CLTCL1: variants seen among roughly 807,000 people sequenced by gnomAD.
The protein encoded by CLTCL1 is clathrin heavy chain like 1.
CLTCL1 carries 159 observed loss-of-function variants against 190.0 expected under a neutral mutation model. The observed-to-expected ratio is 0.84, with a 90% CI of 0.74 to 0.95. The LOEUF is 0.95. Among genes scored for constraint, CLTCL1 ranks in the 40% least tolerant of loss-of-function variants. The probability of loss-of-function intolerance (pLI) is 0.00; values close to 1 mark genes in which losing one functional copy is unlikely to be tolerated. For synonymous variants in CLTCL1, 752 were observed against 769.6 expected, an observed-to-expected ratio of 0.98 and a Z score of 0.38; for missense variants, 1,878 against 2,033.4, an observed-to-expected ratio of 0.92 and a Z score of 1.47.
At chr22:19,212,502 A>C (rs1031345174) in intron 19 of CLTCL1, among the ~76,000 whole-genome samples, 58 of 151,702 alleles carry the variant, frequency 3.8e-4, no homozygotes, top group African/African-American at 1.4e-3. Flanking sequence ...TTGGGGCTGC[A>C]GTGAGCCGTG....
intron 2 of CLTCL1, among the ~76,000 whole-genome samples, chr22:19,266,131 C>T (rs2087117644): frequency 2.0e-5 from 3 of 152,144 alleles, no homozygotes; most frequent in Non-Finnish European, 4.4e-5. Context: ...GATCCTGTCA[C>T]TTCAGACTCC....
chr22:19,226,084 T>C, intron 12 of CLTCL1, 135 bp downstream of exon 12: 1 of 1,009,258 alleles, frequency 9.9e-7, no homozygotes, highest in South Asian at 1.7e-5. Context: ...CTTTTGGTAG[T>C]AAAGTATGGT....
At chr22:19,208,455 A>C in intron 21 of CLTCL1, 144 bp from the exon 22 acceptor site, 1 of 972,740 alleles carries the variant, frequency 1.0e-6, no homozygotes, top group Non-Finnish European at 1.5e-6. Flanking sequence ...AACGTCTAGG[A>C]GGTCTTGATT....
intron 10 of CLTCL1, 46 bp downstream of exon 10, chr22:19,232,430 G>A (rs781885004): frequency 6.2e-7 from 1 of 1,611,524 alleles, no homozygotes; most frequent in East Asian, 2.2e-5. Flanking sequence ...TCTTCTAGAT[G>A]GCTCTAAAAA....
intron 5 of CLTCL1, 23 bp downstream of exon 5, chr22:19,239,251 GT>G (rs1478985415): frequency 3.9e-6 from 6 of 1,552,138 alleles, no homozygotes; most frequent in Non-Finnish European, 5.3e-6. Context: ...ACATGAAGAT[GT>G]TTAGAGAGCA....
At chr22:19,205,927 T>C (rs1261567492) in intron 22 of CLTCL1, among the ~76,000 whole-genome samples, 1 of 85,790 alleles carries the variant, frequency 1.2e-5, no homozygotes, top group Admixed American at 1.1e-4. Flanking sequence ...TTTCCAACCA[T>C]TGTTTTTTTT....
chr22:19,203,261 G>A (rs1219669876), intron 22 of CLTCL1, among the ~76,000 whole-genome samples: 5 of 152,208 alleles, frequency 3.3e-5, no homozygotes, highest in Non-Finnish European at 7.3e-5. Flanking sequence ...GTTGCAGTGA[G>A]CTGAGATCGC....
rs1569140246 is a variant in CLTCL1, at chr22:19,183,532, T to C, written c.4685A>G (p.Lys1562Arg). ...KLLQWFLEEG[K>R]RECFAACLFT... ...GAGACAAGCTGCGAAGCACTCCCTC[T>C]TGCCTTCCTCCAGGAACCACTGCAG... Residue 1562 changes from lysine to arginine, a missense_variant, in exon 30 of 33, where the codon AAG becomes AGG. By Grantham distance (26) the Lys-to-Arg change is conservative. Coordinates refer to ENST00000427926, the MANE Select transcript of CLTCL1 (RefSeq NM_007098.4). The C allele has an allele frequency of 3.1e-6, 5 of 1,613,802 alleles. No individual in the cohort carries two copies. Among genetic ancestry groups the C allele is most frequent in the Non-Finnish European group, 3.4e-6 (4 of 1,179,880 alleles).
At position 19,229,949 on chromosome 22, in the gene CLTCL1, A is replaced by C; in HGVS notation, c.1671T>G (p.Ser557Arg). Residue 557 changes from serine (S) to arginine (R), a missense_variant, in exon 11 of 33, where the codon AGT (serine) becomes AGG (arginine). Ser to Arg is a moderately radical substitution (Grantham distance 110). Transcript: ENST00000427926. ...SQIVDIFMEN[S>R]LIQQCTSFLL... ...AGAAGGAAGTACACTGCTGAATTAA[A>C]CTGTTTTCCATGAAAATGTCCACAA... 6.2e-7 allele frequency: 1 copy of C among 1,609,806 alleles called. No individual in the cohort carries two copies. Among genetic ancestry groups the C allele is most frequent in the Admixed American group, 1.7e-5 (1 of 59,358 alleles).
chr22:19,273,232 C>T (rs1429265533), intron 2 of CLTCL1, among the ~76,000 whole-genome samples: 1 of 152,170 alleles, frequency 6.6e-6, no homozygotes, highest in Non-Finnish European at 1.5e-5. Context: ...ACACACTGTA[C>T]ATCCTCCACT....
chr22:19,291,644 C>A lies in CLTCL1; in HGVS notation c.-3G>T. The A allele has an allele frequency of 7.2e-7, 1 of 1,398,062 alleles. No homozygotes were observed. The highest frequency in any genetic ancestry group is 9.4e-7 in the Non-Finnish European group (1 of 1,061,996). The allele number at this position is 1,398,062 out of a possible 1,614,324, so 86.6% of individuals were successfully genotyped here. A position where few individuals can be genotyped will look rare whatever the true frequency, so the allele number is the denominator to read the frequency against. On this transcript the variant is annotated 5_prime_UTR_variant, in exon 1 of 33. Transcript: ENST00000427926. Reference sequence around the variant, plus strand: ...CGAACAGGGAGGATCTGCGCCATGGCTGGTGCGGGACCTCGGCGGCGGCGG... The same window carrying A: ...CGAACAGGGAGGATCTGCGCCATGGATGGTGCGGGACCTCGGCGGCGGCGG...
At position 19,199,741 on chromosome 22, in the gene CLTCL1, T is replaced by C; in HGVS notation, c.3866A>G (p.Tyr1289Cys). The C allele has an allele frequency of 6.3e-7, 1 of 1,585,072 alleles. No individual in the cohort carries two copies. Among genetic ancestry groups the C allele is most frequent in the Non-Finnish European group, 8.6e-7 (1 of 1,165,464 alleles). The change falls in exon 24 of 33, where the codon TAT becomes TGT. Residue 1289 changes from tyrosine (Y) to cysteine (C), a missense_variant. Transcript: ENST00000427926. ...CAGAGATCATCTGGTCACCTGGTAA[T>C]AGCACATCAGCTCCTCCAGCTCATC... is the stretch of plus-strand genomic sequence containing the variant. ...HADELEELMC[Y>C]YQDRGYFEEL... is the part of the protein sequence containing the mutation.
At chr22:19,285,120 A>G (rs1360736650) in intron 1 of CLTCL1, among the ~76,000 whole-genome samples, 9 of 151,944 alleles carry the variant, frequency 5.9e-5, no homozygotes, top group African/African-American at 2.2e-4. Context: ...CTAAAAATAT[A>G]AAAAATTAGC....
In CLTCL1 at chr22:19,179,759, AAAAT is replaced by A. The variant is rs2084064748; in HGVS notation, c.*227_*230del. 5.4e-6 allele frequency: 1 copy of A among 184,500 alleles called. No individual in the cohort carries two copies. The highest frequency in any genetic ancestry group is 1.4e-4 in the East Asian group (1 of 7,030). 11.4% of individuals were successfully genotyped at this position (184,500 alleles called of 1,614,324 possible). The stretch of plus-strand genomic sequence containing the variant: ...AGGTTGCCGTCATTGGGTTTCAGCA[AAAAT>A]AAATATTGTCCAGGTGTCCCTGCCT... On this transcript the variant is annotated 3_prime_UTR_variant, in exon 33 of 33. Transcript: ENST00000427926.
At chr22:19,275,136 T>C (rs1555982514) in intron 2 of CLTCL1, among the ~76,000 whole-genome samples, 6 of 152,350 alleles carry the variant, frequency 3.9e-5, no homozygotes, top group East Asian at 1.9e-4. Context: ...AAGAAGATTC[T>C]ATATTTTTCA....
chr22:19,254,584 C>T (rs563810445), intron 2 of CLTCL1, among the ~76,000 whole-genome samples: 2 of 152,286 alleles, frequency 1.3e-5, no homozygotes, highest in Admixed American at 1.3e-4. Context: ...ACATAAGACA[C>T]CCCTTCTCTG....
intron 3 of CLTCL1, among the ~76,000 whole-genome samples, chr22:19,252,806 A>C (rs1414198330): frequency 1.3e-5 from 2 of 152,140 alleles, no homozygotes; most frequent in Admixed American, 6.6e-5. Context: ...CGAGGTCAGG[A>C]GATCAAGGCC....
intron 1 of CLTCL1, among the ~76,000 whole-genome samples, chr22:19,289,715 A>G (rs2088039186): frequency 6.6e-6 from 1 of 152,216 alleles, no homozygotes. Flanking sequence ...GCTCCCTTAT[A>G]GGGAAGAAGG....
intron 14 of CLTCL1, among the ~76,000 whole-genome samples, chr22:19,223,518 C>T (rs2085642390): frequency 6.6e-6 from 1 of 152,118 alleles, no homozygotes; most frequent in African/African-American, 2.4e-5. Flanking sequence ...CCCCACTGAC[C>T]TCCAGCCTAC....
Sources: gnomAD v4.1 joint callset for allele counts (sites outside exome capture counted in the v4.1 genomes callset) on GRCh38, gnomAD v4.1.1 for gene constraint, MANE v1.5 for transcripts, NCBI Gene and HGNC (gene_info 2026-07-23, HGNC 2026-07-21) for gene names.